The following CLSTN2 variants were observed in gnomAD, a reference collection of about 807,000 sequenced individuals.
CLSTN2 encodes calsyntenin 2, also known as calsyntenin-2.
Under a neutral mutation model 101.2 loss-of-function variants are expected in CLSTN2, and 48 were observed. The observed-to-expected ratio is 0.47, with a 90% CI of 0.38 to 0.60. The LOEUF (loss-of-function observed/expected upper bound fraction) is 0.60, where lower values mean the gene tolerates loss of function less well. Among genes scored for constraint, CLSTN2 ranks in the 20% least tolerant of loss-of-function variants. The pLI, the probability that CLSTN2 is intolerant of heterozygous loss-of-function variation, is 0.00. For missense variants in CLSTN2, 1,160 were observed against 1,238.2 expected (o/e 0.94, Z 0.95); for synonymous variants, 481 against 463.6 (o/e 1.04, Z -0.48).
intron 1 of CLSTN2, among the ~76,000 whole-genome samples, chr3:140,078,503 G>A (rs2008531284): frequency 6.6e-6 from 1 of 152,172 alleles, no homozygotes; most frequent in South Asian, 2.1e-4. Context: ...TGTCTGGGGA[G>A]CTCCATGTAA....
At chr3:140,416,172 A>T (rs2088430015) in intron 4 of CLSTN2, among the ~76,000 whole-genome samples, 1 of 152,218 alleles carries the variant, frequency 6.6e-6, no homozygotes. Flanking sequence ...TCACAGAAAT[A>T]GAGAGTAGAA....
chr3:140,396,438 A>G (rs1182708609), intron 2 of CLSTN2, among the ~76,000 whole-genome samples: 1 of 152,138 alleles, frequency 6.6e-6, no homozygotes, highest in Non-Finnish European at 1.5e-5. Context: ...AGTTTGCCTG[A>G]GGTGTGTGAC....
chr3:140,275,689 G>T (rs529579901), intron 2 of CLSTN2, among the ~76,000 whole-genome samples: 2 of 152,288 alleles, frequency 1.3e-5, no homozygotes, highest in East Asian at 3.9e-4. Flanking sequence ...GCAAAAGCGG[G>T]TTCTGAGCTC....
At chr3:140,230,620 A>G (rs191039620) in intron 2 of CLSTN2, among the ~76,000 whole-genome samples, 76 of 152,320 alleles carry the variant, frequency 5.0e-4, no homozygotes, top group Non-Finnish European at 1.0e-3. Flanking sequence ...GAGACCATCC[A>G]TGAAACAGAA....
At chr3:140,444,846 T>C (rs1933037790) in intron 5 of CLSTN2, among the ~76,000 whole-genome samples, 1 of 152,172 alleles carries the variant, frequency 6.6e-6, no homozygotes, top group Non-Finnish European at 1.5e-5. Flanking sequence ...TAAACATCTA[T>C]ATTTTTAAGA....
chr3:140,486,474 CAA>C (rs1934244010), intron 8 of CLSTN2, among the ~76,000 whole-genome samples: 1 of 152,140 alleles, frequency 6.6e-6, no homozygotes, highest in East Asian at 1.9e-4. Context: ...TCTACTGATG[CAA>C]AGTTCTTAAA....
At chr3:140,339,712 G>C (rs1341974540) in intron 2 of CLSTN2, among the ~76,000 whole-genome samples, 3 of 152,190 alleles carry the variant, frequency 2.0e-5, no homozygotes, top group Non-Finnish European at 2.9e-5. Flanking sequence ...GGTACACATA[G>C]AGCCACAGAT....
intron 8 of CLSTN2, among the ~76,000 whole-genome samples, chr3:140,521,766 C>A (rs1271018505): frequency 9.2e-5 from 14 of 152,228 alleles, no homozygotes; most frequent in Admixed American, 9.2e-4. Flanking sequence ...CATCTCTCCC[C>A]AGGAACTTGG....
At chr3:140,453,273 G>A (rs1338121533) in intron 6 of CLSTN2, 1 of 152,116 alleles carries the variant, frequency 6.6e-6, no homozygotes. Flanking sequence ...GAACACTGAG[G>A]GCAGGTCCTG....
intron 5 of CLSTN2, among the ~76,000 whole-genome samples, chr3:140,428,153 G>T (rs368896959): frequency 6.6e-6 from 1 of 152,074 alleles, no homozygotes; most frequent in Admixed American, 6.5e-5. Flanking sequence ...GGCTAGTTTG[G>T]GGTTTTTCTG....
At chr3:140,449,695 A>T (rs1462623326) in intron 6 of CLSTN2, 1 of 152,198 alleles carries the variant, frequency 6.6e-6, no homozygotes, top group Non-Finnish European at 1.5e-5. Flanking sequence ...GGTCTTTTTG[A>T]AGTCCTTTGG....
rs2007633702 is a variant in CLSTN2, at chr3:140,035,362, G to A, written c.109+99879G>A. Among the ~76,000 whole-genome samples, 6 of 152,306 alleles carry A rather than the reference G, an allele frequency of 3.9e-5. No homozygotes were observed. The South Asian group carries it at 1.2e-3, about 32-fold the overall frequency. On this transcript the variant is annotated intron_variant, in intron 1 of 16. Coordinates refer to ENST00000458420, the MANE Select transcript of CLSTN2 (RefSeq NM_022131.3). ...TGTAAACTTTCTGTAAAGCACATAG[G>A]GCAGTAGGAAGTGGATGACTGCAGC...
In CLSTN2 at chr3:140,262,043, ATTAGCTGTGTGACC is replaced by A. The variant is rs561191305; in HGVS notation, c.232+85975_232+85988del. Among the ~76,000 whole-genome samples, 277 of 152,318 alleles carry A rather than the reference ATTAGCTGTGTGACC, an allele frequency of 1.8e-3. 1 individual carries two copies. Among genetic ancestry groups the A allele is most frequent in the African/African-American group, 6.4e-3 (265 of 41,566 alleles). On this transcript the variant is annotated intron_variant, in intron 2 of 16. Transcript: ENST00000458420. ...TTTTAGAGTTGTCCTGTCCTGCTCA[ATTAGCTGTGTGACC>A]TTAGTTTAGTTTCTTAACTTTCCTG...
chr3:140,342,236 G>C (rs186318877), intron 2 of CLSTN2, among the ~76,000 whole-genome samples: 70 of 152,184 alleles, frequency 4.6e-4, no homozygotes, highest in African/African-American at 1.5e-3. Flanking sequence ...CCTGTGTATT[G>C]CAAGATGTTT....
At chr3:140,412,201 G>A (rs2088372270) in intron 4 of CLSTN2, among the ~76,000 whole-genome samples, 1 of 152,154 alleles carries the variant, frequency 6.6e-6, no homozygotes, top group African/African-American at 2.4e-5. Flanking sequence ...TTTTAGTGGA[G>A]ATGGGGTTTC....
chr3:140,088,941 C>G (rs1285529778), intron 1 of CLSTN2, among the ~76,000 whole-genome samples: 1 of 152,150 alleles, frequency 6.6e-6, no homozygotes, highest in Non-Finnish European at 1.5e-5. Context: ...TTTGCTAAAA[C>G]TTTATACTTT....
intron 15 of CLSTN2, among the ~76,000 whole-genome samples, chr3:140,563,547 C>A (rs1285390706): frequency 6.6e-6 from 1 of 152,130 alleles, no homozygotes; most frequent in Non-Finnish European, 1.5e-5. Context: ...CGTCCTCTGC[C>A]CAAATTTCTA....
intron 7 of CLSTN2, among the ~76,000 whole-genome samples, 171 bp downstream of exon 7, chr3:140,459,940 A>G (rs1288894822): frequency 2.0e-5 from 3 of 152,170 alleles, no homozygotes; most frequent in African/African-American, 7.2e-5. Flanking sequence ...CTGATTTTCC[A>G]GGCTTGGCTT....
chr3:140,105,044 C>T (rs1407201381), intron 1 of CLSTN2, among the ~76,000 whole-genome samples: 1 of 152,158 alleles, frequency 6.6e-6, no homozygotes, highest in Non-Finnish European at 1.5e-5. Context: ...TATTCCAGGA[C>T]AAGGGCTCTG....
Sources: gnomAD v4.1 joint callset for allele counts (sites outside exome capture counted in the v4.1 genomes callset) on GRCh38, gnomAD v4.1.1 for gene constraint, MANE v1.5 for transcripts, NCBI Gene and HGNC (gene_info 2026-07-23, HGNC 2026-07-21) for gene names.